Variants in LRRC7 observed in about 807,000 individuals in gnomAD.
LRRC7 encodes leucine rich repeat containing 7, also known as leucine-rich repeat-containing protein 7.
LRRC7 carries 23 observed loss-of-function variants against 175.7 expected under a neutral mutation model. The observed-to-expected ratio is 0.13, with a 90% CI of 0.09 to 0.19. The LOEUF (loss-of-function observed/expected upper bound fraction) is 0.19, where lower values mean the gene tolerates loss of function less well. Ranked by LOEUF, LRRC7 falls within the 10% of genes least tolerant of loss-of-function variation. The probability of loss-of-function intolerance (pLI) is 1.00; values close to 1 mark genes in which losing one functional copy is unlikely to be tolerated. For synonymous variants in LRRC7, 685 were observed against 680.9 expected, an observed-to-expected ratio of 1.01 and a Z score of -0.09; for missense variants, 1,354 against 1,904.7, an observed-to-expected ratio of 0.71 and a Z score of 5.38.
At chr1:69,942,564 C>G (rs1648834701) in intron 8 of LRRC7, among the ~76,000 whole-genome samples, 1 of 151,956 alleles carries the variant, frequency 6.6e-6, no homozygotes, top group Non-Finnish European at 1.5e-5. Flanking sequence ...AGAGGAGAAT[C>G]CATTTCTTCT....
rs1414320272 is a variant in LRRC7 at position 70,134,697 on chromosome 1, A to G, written c.*12810A>G. On this transcript the variant is annotated 3_prime_UTR_variant, in exon 27 of 27. Coordinates refer to ENST00000651989, the MANE Select transcript of LRRC7 (RefSeq NM_001370785.2). Reference sequence around the variant, plus strand: ...CAGAATACTCTTTCTTAGCAAATTCAATTTAACCTTCTTTGGGGGTTAATA... The same window carrying G: ...CAGAATACTCTTTCTTAGCAAATTCGATTTAACCTTCTTTGGGGGTTAATA... Among the ~76,000 whole-genome samples the G allele has an allele frequency of 6.6e-6, 1 of 152,240 alleles. No homozygotes were observed. The highest frequency in any genetic ancestry group is 2.4e-5 in the African/African-American group (1 of 41,458).
chr1:69,833,743 G>T (rs1680803599), intron 5 of LRRC7, among the ~76,000 whole-genome samples: 1 of 152,024 alleles, frequency 6.6e-6, no homozygotes. Flanking sequence ...ATAAAATGAG[G>T]CTAATGGGAT....
At chr1:69,872,679 A>G (rs1164977646) in intron 7 of LRRC7, among the ~76,000 whole-genome samples, 1 of 152,086 alleles carries the variant, frequency 6.6e-6, no homozygotes, top group Non-Finnish European at 1.5e-5. Flanking sequence ...ACATATTTTC[A>G]TTAAAACATG....
At chr1:70,074,416 A>G (rs943651120) in intron 23 of LRRC7, among the ~76,000 whole-genome samples, 13 of 152,202 alleles carry the variant, frequency 8.5e-5, no homozygotes, top group African/African-American at 3.1e-4. Context: ...AGGCTGCAAT[A>G]TCTTCTTTCA....
chr1:70,103,899 A>G (rs1277191445), intron 25 of LRRC7, among the ~76,000 whole-genome samples: 1 of 152,032 alleles, frequency 6.6e-6, no homozygotes, highest in Non-Finnish European at 1.5e-5. Flanking sequence ...AAAGCTATGC[A>G]ATAATAAGCT....
intron 1 of LRRC7, among the ~76,000 whole-genome samples, chr1:69,598,556 G>A (rs1442427095): frequency 6.6e-6 from 1 of 152,070 alleles, no homozygotes; most frequent in Non-Finnish European, 1.5e-5. Context: ...TTTCTATGAA[G>A]CCCTTCACCT....
At chr1:70,114,843 T>G (rs1335597597) in intron 26 of LRRC7, among the ~76,000 whole-genome samples, 1 of 152,196 alleles carries the variant, frequency 6.6e-6, no homozygotes, top group Non-Finnish European at 1.5e-5. Flanking sequence ...TTTGAGTTAT[T>G]TAGTAAAACA....
intron 2 of LRRC7, among the ~76,000 whole-genome samples, chr1:69,687,520 C>CAAA (rs551726376): frequency 4.3e-4 from 42 of 96,880 alleles, no homozygotes; most frequent in Middle Eastern, 8.2e-3. Context: ...AAGAAAAAAC[C>CAAA]AAAAAAAAAA....
rs767142292 is a variant in LRRC7, at chr1:70,028,314, T to C, written c.1938T>C (p.Thr646=). 1 of 1,613,560 alleles carries C rather than the reference T, an allele frequency of 6.2e-7. No homozygotes were observed. The highest frequency in any genetic ancestry group is 8.5e-7 in the Non-Finnish European group (1 of 1,179,772). ...NSNPTANTEQ[T]VKEKYEHKWP... ...ATCCAACTGCTAACACGGAGCAAAC[T>C]GTGAAAGAAAAATATGAACACAAGT... Residue 646 remains threonine, a synonymous_variant, in exon 18 of 27, where the codon ACT becomes ACC. Transcript: ENST00000651989.
intron 1 of LRRC7, among the ~76,000 whole-genome samples, chr1:69,627,654 CTA>C (rs1439814394): frequency 6.6e-6 from 1 of 152,058 alleles, no homozygotes; most frequent in Non-Finnish European, 1.5e-5. Context: ...TTGCCCATGC[CTA>C]TGTCCTGAAT....
chr1:69,915,909 A>G (rs975039631), intron 7 of LRRC7, among the ~76,000 whole-genome samples: 1 of 150,086 alleles, frequency 6.7e-6, no homozygotes, highest in Non-Finnish European at 1.5e-5. Context: ...TATAGATGAC[A>G]AAACTGAGGT....
At chr1:69,649,852 G>GA (rs35032125) in intron 1 of LRRC7, among the ~76,000 whole-genome samples, 20,359 of 146,960 alleles carry the variant, frequency 0.14, 1,545 homozygotes, top group African/African-American at 0.18. Context: ...CAAAGTGATT[G>GA]AAAAAAAAAA....
intron 1 of LRRC7, among the ~76,000 whole-genome samples, chr1:69,627,739 T>C (rs1651829162): frequency 6.6e-6 from 1 of 152,120 alleles, no homozygotes. Context: ...ATTAGAAAAG[T>C]CTTCCCACTC....
chr1:69,948,146 TATAA>T lies in LRRC7; in HGVS notation c.711+16580_711+16583del, dbSNP rs377260216. ...TCAGAACAGTGCACAATTTAAAACT[TATAA>T]ATAGTTTGTTTCTGGAATTTTCCAT... On this transcript the variant is annotated intron_variant, in intron 8 of 26. Transcript: ENST00000651989. 2.8e-3 allele frequency among the ~76,000 whole-genome samples: 428 copies of T among 152,276 alleles called. 2 individuals are homozygous for T. The highest frequency in any genetic ancestry group is 3.6e-3 in the Non-Finnish European group (245 of 68,020).
At position 69,839,130 on chromosome 1, in the gene LRRC7, A is replaced by G. The variant is rs534500943; in HGVS notation, c.647+847A>G. 10 of 204,584 alleles carry G rather than the reference A, an allele frequency of 4.9e-5. 1 individual carries two copies. In the South Asian group the frequency reaches 5.3e-4, roughly 11 times the overall value. 12.7% of individuals were successfully genotyped at this position (204,584 alleles called of 1,614,324 possible). ...ACTTAGATTCATCTGCTGAACCAAA[A>G]TGTAACCTTATTTTTTACTTATTAA... On this transcript the variant is annotated intron_variant, in intron 7 of 26. Coordinates refer to ENST00000651989, the MANE Select transcript of LRRC7 (RefSeq NM_001370785.2).
At chr1:69,845,731 T>A (rs1682284048) in intron 7 of LRRC7, among the ~76,000 whole-genome samples, 1 of 152,118 alleles carries the variant, frequency 6.6e-6, no homozygotes, top group African/African-American at 2.4e-5. Flanking sequence ...ATCAATAGGT[T>A]CCTTAGTGCC....
chr1:69,598,799 A>C (rs1646939981), intron 1 of LRRC7, among the ~76,000 whole-genome samples: 1 of 152,218 alleles, frequency 6.6e-6, no homozygotes, highest in Non-Finnish European at 1.5e-5. Flanking sequence ...TAGTTAAATC[A>C]AAGATCCCAT....
Position 70,142,253 on chromosome 1 carries a change from G to A in LRRC7, c.*20366G>A, listed in dbSNP as rs1191253167. The A allele has an allele frequency of 6.6e-6, 1 of 152,118 alleles. No individual in the cohort carries two copies. Among genetic ancestry groups the A allele is most frequent in the Non-Finnish European group, 1.5e-5 (1 of 67,990 alleles). 9.4% of individuals were successfully genotyped at this position (152,118 alleles called of 1,614,324 possible). A position where few individuals can be genotyped will look rare whatever the true frequency, so the allele number is the denominator to read the frequency against. ...GAATGTGGAAAAGGCATCTGGTTCAGGTCAGTAAGGACTGTTGTATGTAAG... is the reference window on the plus strand; with the variant it reads ...GAATGTGGAAAAGGCATCTGGTTCAAGTCAGTAAGGACTGTTGTATGTAAG... On this transcript the variant is annotated 3_prime_UTR_variant, in exon 27 of 27. Transcript: ENST00000651989.
In LRRC7 at chr1:69,641,367, CAATT is replaced by C. The variant is rs1303093121; in HGVS notation, c.3-37010_3-37007del. On this transcript the variant is annotated intron_variant, in intron 1 of 26. Transcript: ENST00000651989. ...TATTTTCTTTTTATTATAAATCTTT[CAATT>C]AATCCTTAATACTCTGTTTATTTAT... 2.6e-5 allele frequency among the ~76,000 whole-genome samples: 4 copies of C among 151,592 alleles called. No individual in the cohort carries two copies. The East Asian group carries it at 5.8e-4, about 22-fold the overall frequency.
Sources: allele counts gnomAD v4.1 joint callset (sites outside exome capture counted in the v4.1 genomes callset), GRCh38; gene constraint gnomAD v4.1.1; transcripts MANE v1.5; gene names NCBI Gene and HGNC (gene_info 2026-07-23, HGNC 2026-07-21).